Variants in PTBP3 observed in about 807,000 individuals in gnomAD.
PTBP3 encodes polypyrimidine tract binding protein 3.
In PTBP3, 20 loss-of-function variants were observed where a neutral mutation model predicts 58.7. The observed-to-expected ratio is 0.34, with a 90% CI of 0.24 to 0.50. The LOEUF (loss-of-function observed/expected upper bound fraction) is 0.50. Among genes scored for constraint, PTBP3 ranks in the 20% least tolerant of loss-of-function variants. PTBP3 has a pLI of 0.98. For missense variants in PTBP3, 509 were observed against 637.2 expected, an observed-to-expected ratio of 0.80 and a Z score of 2.17; for synonymous variants, 185 against 219.8, an observed-to-expected ratio of 0.84 and a Z score of 1.40.
chr9:112,363,516 TCACACACACACACACA>T, the PTBP3 span, among the ~76,000 whole-genome samples: 645 of 134,862 alleles, frequency 4.8e-3, 2 homozygotes, highest in African/African-American at 0.012. Context: ...AGCAAAACTG[TCACACACACACACACA>T]CACACACACA....
At chr9:112,376,197 ACGTG>A in the PTBP3 span, among the ~76,000 whole-genome samples, 5,540 of 111,582 alleles carry the variant, frequency 0.05, 549 homozygotes, top group African/African-American at 0.16. Flanking sequence ...TTCCTTATAT[ACGTG>A]TGTGTGTGTG....
chr9:112,298,507 A>G (rs1828786565), intron 1 of PTBP3: 1 of 497,772 alleles, frequency 2.0e-6, no homozygotes, highest in Admixed American at 2.1e-5. Context: ...AGTAACTCAG[A>G]GAAGTCTTTT....
chr9:112,370,519 T>G, the PTBP3 span, among the ~76,000 whole-genome samples: 1 of 152,104 alleles, frequency 6.6e-6, no homozygotes, highest in Admixed American at 6.6e-5. Context: ...CCAGACTGGA[T>G]GACAGAGTGA....
rs1834699498 is a variant in PTBP3 at position 112,218,609 on chromosome 9, A to G, written c.*5242T>C. ...AATTAACCATGCACTACGCATTTAG[A>G]AAATATGTTTTTTAATATTTTATCT... On this transcript the variant is annotated 3_prime_UTR_variant, in exon 14 of 14. Transcript: ENST00000374257. The G allele has an allele frequency of 6.5e-6, 1 of 152,672 alleles. No individual in the cohort carries two copies. The highest frequency in any genetic ancestry group is 1.5e-5 in the Non-Finnish European group (1 of 68,042). 9.5% of individuals were successfully genotyped at this position (152,672 alleles called of 1,614,324 possible). A position where few individuals can be genotyped will look rare whatever the true frequency, so the allele number is the denominator to read the frequency against.
intron 1 of PTBP3, among the ~76,000 whole-genome samples, chr9:112,299,482 T>C (rs1828823407): frequency 2.0e-5 from 3 of 152,174 alleles, no homozygotes; most frequent in Non-Finnish European, 4.4e-5. Context: ...AAAGGGTTTA[T>C]ATCCAGCACG....
At chr9:112,354,789 T>A in the PTBP3 span, among the ~76,000 whole-genome samples, 1 of 152,176 alleles carries the variant, frequency 6.6e-6, no homozygotes, top group Non-Finnish European at 1.5e-5. Context: ...TTATTTTTTT[T>A]AAATGCTTGG....
At chr9:112,256,269 CAA>C (rs1836346557) in intron 5 of PTBP3, among the ~76,000 whole-genome samples, 1 of 65,230 alleles carries the variant, frequency 1.5e-5, no homozygotes, top group African/African-American at 7.6e-5. Flanking sequence ...AAAAAAAAAA[CAA>C]AATATATATA....
chr9:112,240,810 G>C (rs1376476377), intron 7 of PTBP3, among the ~76,000 whole-genome samples: 3 of 151,954 alleles, frequency 2.0e-5, no homozygotes, highest in Admixed American at 2.0e-4. Flanking sequence ...AGAAGACAGT[G>C]ATATTGACAA....
intron 1 of PTBP3, among the ~76,000 whole-genome samples, chr9:112,315,933 C>T (rs1829686587): frequency 6.6e-6 from 1 of 152,118 alleles, no homozygotes; most frequent in Non-Finnish European, 1.5e-5. Context: ...AAAATGAAAA[C>T]AGGATAAAAA....
chr9:112,363,480 C>CCAAT, the PTBP3 span, among the ~76,000 whole-genome samples: 1 of 151,456 alleles, frequency 6.6e-6, no homozygotes, highest in Non-Finnish European at 1.5e-5. Context: ...GATCCACACA[C>CCAAT]CAATGCACCT....
chr9:112,262,350 A>T, intron 5 of PTBP3, 85 bp downstream of exon 5: 1 of 1,139,770 alleles, frequency 8.8e-7, no homozygotes, highest in South Asian at 1.8e-5. Flanking sequence ...AAAACCAATA[A>T]GCTAAACAAC....
chr9:112,244,836 T>C (rs1564401233), intron 7 of PTBP3, among the ~76,000 whole-genome samples: 1 of 152,168 alleles, frequency 6.6e-6, no homozygotes, highest in Admixed American at 6.5e-5. Flanking sequence ...CTGCTTTTTT[T>C]TTTGGAACTC....
chr9:112,273,626 T>G (rs543668649), intron 3 of PTBP3, among the ~76,000 whole-genome samples: 1 of 152,322 alleles, frequency 6.6e-6, no homozygotes, highest in African/African-American at 2.4e-5. Context: ...TGCTTCCACT[T>G]AGAGTCCAGT....
At chr9:112,378,597 TGAGAG>T in the PTBP3 span, among the ~76,000 whole-genome samples, 27 of 152,332 alleles carry the variant, frequency 1.8e-4, no homozygotes, top group African/African-American at 6.3e-4. Flanking sequence ...CTCCTAAGGA[TGAGAG>T]GAGAGTAAGT....
rs548495659 is a variant in PTBP3, at chr9:112,316,474, G to A, written c.-52+16996C>T. 5.3e-5 allele frequency among the ~76,000 whole-genome samples: 8 copies of A among 152,278 alleles called. No homozygotes were observed. The South Asian group carries it at 1.7e-3, about 32-fold the overall frequency. ...GACTCCTGCCAACAACCACACAAGT[G>A]AGCTCGAACATGGATTCTTCCCTGG... On this transcript the variant is annotated intron_variant, in intron 1 of 13. Transcript: ENST00000374257.
chr9:112,276,049 A>G (rs1827597314), intron 2 of PTBP3, 36 bp from the exon 3 acceptor site: 1 of 1,568,794 alleles, frequency 6.4e-7, no homozygotes, highest in Non-Finnish European at 8.8e-7. Context: ...AATTACTGCA[A>G]CTAATTTGGG....
chr9:112,282,557 G>C (rs1396882096), intron 2 of PTBP3, among the ~76,000 whole-genome samples: 1 of 151,958 alleles, frequency 6.6e-6, no homozygotes, highest in Non-Finnish European at 1.5e-5. Flanking sequence ...ATTTCATTAA[G>C]TTACGGTTTC....
rs531005389 is a variant in PTBP3, at chr9:112,327,029, A to G, written c.-52+6441T>C. On this transcript the variant is annotated intron_variant, in intron 1 of 13. Coordinates refer to ENST00000374257, the MANE Select transcript of PTBP3 (RefSeq NM_001163788.4). Reference sequence around the variant, plus strand: ...GGCCAGGGGTTCAACACCAGCCTGGACAACATGGTGAGGCCTTCGTCTCTA... The same window carrying G: ...GGCCAGGGGTTCAACACCAGCCTGGGCAACATGGTGAGGCCTTCGTCTCTA... Among the ~76,000 whole-genome samples the G allele has an allele frequency of 3.4e-4, 52 of 151,618 alleles. No homozygotes were observed. The South Asian group carries it at 6.2e-3, about 18-fold the overall frequency.
intron 1 of PTBP3, among the ~76,000 whole-genome samples, chr9:112,318,498 A>G (rs544116907): frequency 6.6e-6 from 1 of 152,298 alleles, no homozygotes; most frequent in South Asian, 2.1e-4. Flanking sequence ...AGTGGCTCAC[A>G]CCTATAATCC....
Sources: allele counts gnomAD v4.1 joint callset (sites outside exome capture counted in the v4.1 genomes callset), GRCh38; gene constraint gnomAD v4.1.1; transcripts MANE v1.5; gene names NCBI Gene and HGNC (gene_info 2026-07-23, HGNC 2026-07-21).